The following KLB variants were observed in gnomAD, a reference collection of about 807,000 sequenced individuals.
KLB encodes the protein klotho beta, also known as beta-klotho.
KLB carries 44 observed loss-of-function variants against 88.4 expected under a neutral mutation model. The ratio of observed to expected loss-of-function variants is 0.50; its 90% CI spans 0.39 to 0.64. KLB has a LOEUF of 0.64. KLB is among the 30% of genes least tolerant of loss of function. The pLI is 0.00. For synonymous variants in KLB, 548 were observed against 513.4 expected, an observed-to-expected ratio of 1.07 and a Z score of -0.91; for missense variants, 1,137 against 1,304.8, an observed-to-expected ratio of 0.87 and a Z score of 1.98.
At chr4:39,419,107 CGT>C (rs1180817909) in intron 1 of KLB, among the ~76,000 whole-genome samples, 2 of 151,604 alleles carry the variant, frequency 1.3e-5, no homozygotes, top group Non-Finnish European at 2.9e-5. Flanking sequence ...TTATAAGAAT[CGT>C]GTAAAAAAAA....
Position 39,407,320 on chromosome 4 carries a change from C to T in KLB, c.371C>T (p.Thr124Met), listed in dbSNP as rs760534173. ...ACACACCTTAAAAATGTCAGCAGCACGAATGGTTCCAGTGACAGTTATATT... is the reference window on the plus strand; with the variant it reads ...ACACACCTTAAAAATGTCAGCAGCATGAATGGTTCCAGTGACAGTTATATT... ...IHTHLKNVSSTNGSSDSYIFL... is the reference protein window; with the variant it reads ...IHTHLKNVSSMNGSSDSYIFL... Residue 124 changes from threonine to methionine, a missense_variant, in exon 1 of 5, where the codon ACG (threonine) becomes ATG (methionine). Physicochemically the swap from Thr to Met is moderately conservative, Grantham distance 81 (BLOSUM62 -1). Transcript: ENST00000257408. 41 of 1,613,980 alleles carry T rather than the reference C, an allele frequency of 2.5e-5. No homozygotes were observed. Among genetic ancestry groups the T allele is most frequent in the South Asian group, 3.3e-5 (3 of 91,090 alleles).
At chr4:39,434,798 C>T in intron 2 of KLB, 78 bp downstream of exon 2, 1 of 1,105,564 alleles carries the variant, frequency 9.0e-7, no homozygotes, top group African/African-American at 1.6e-5. Flanking sequence ...GAATATGTAA[C>T]TATTATTGTT....
chr4:39,434,542 T>C lies in KLB; in HGVS notation c.1158T>C (p.Ala386=). 6.2e-7 allele frequency: 1 copy of C among 1,614,172 alleles called. No individual in the cohort carries two copies. Among genetic ancestry groups the C allele is most frequent in the Non-Finnish European group, 8.5e-7 (1 of 1,180,038 alleles). Reference sequence around the variant, plus strand: ...ACTTCAAGCCCCTAAACACCATGGCTAAAATGGGACAAAATGTTTCACTTA... The same window carrying C: ...ACTTCAAGCCCCTAAACACCATGGCCAAAATGGGACAAAATGTTTCACTTA... ...PNNFKPLNTM[A]KMGQNVSLNL... is the part of the protein sequence containing the mutation. Residue 386 remains alanine (A), a synonymous_variant, in exon 2 of 5, where the codon GCT becomes GCC. Coordinates refer to ENST00000257408, the MANE Select transcript of KLB (RefSeq NM_175737.4).
intron 1 of KLB, among the ~76,000 whole-genome samples, chr4:39,424,705 C>T (rs6531716): frequency 0.42 from 62,798 of 148,762 alleles, 14,312 homozygotes; most frequent in South Asian, 0.65. Flanking sequence ...TATCTCGGCT[C>T]ACTGCAACCT....
At chr4:39,412,367 T>C (rs190323947) in intron 1 of KLB, among the ~76,000 whole-genome samples, 1 of 152,230 alleles carries the variant, frequency 6.6e-6, no homozygotes, top group East Asian at 1.9e-4. Context: ...TGCGTGATAT[T>C]GCTCCCCTGT....
chr4:39,407,127 A>T lies in KLB; in HGVS notation c.178A>T (p.Ile60Leu). 3 of 1,614,168 alleles carry T rather than the reference A, an allele frequency of 1.9e-6. No homozygotes were observed. Among genetic ancestry groups the T allele is most frequent in the African/African-American group, 1.3e-5 (1 of 75,054 alleles). Residue 60 changes from isoleucine (I) to leucine (L), a missense_variant, in exon 1 of 5, where the codon ATA becomes TTA. Physicochemically the swap from Ile to Leu is conservative, Grantham distance 5. Transcript: ENST00000257408. Reference sequence around the variant, plus strand: ...TGGATTCTCTGGAGATGGAAGAGCTATATGGTCTAAAAATCCTAATTTTAC... The same window carrying T: ...TGGATTCTCTGGAGATGGAAGAGCTTTATGGTCTAAAAATCCTAATTTTAC... ...VTGFSGDGRA[I>L]WSKNPNFTPV...
intron 1 of KLB, among the ~76,000 whole-genome samples, chr4:39,408,102 T>C (rs1742768290): frequency 6.6e-6 from 1 of 152,218 alleles, no homozygotes; most frequent in Non-Finnish European, 1.5e-5. Flanking sequence ...GGAACCCTTT[T>C]CTGACAACAT....
intron 1 of KLB, among the ~76,000 whole-genome samples, chr4:39,411,485 C>T (rs1176742397): frequency 6.7e-6 from 1 of 150,346 alleles, no homozygotes; most frequent in Non-Finnish European, 1.5e-5. Context: ...TTTTTAACAG[C>T]ATTTGAAATA....
At position 39,447,428 on chromosome 4, in the gene KLB, G is replaced by A. The variant is rs749575864; in HGVS notation, c.2702G>A (p.Arg901Gln). 6.8e-6 allele frequency: 11 copies of A among 1,609,768 alleles called. No homozygotes were observed. Among genetic ancestry groups the A allele is most frequent in the Middle Eastern group, 1.7e-4 (1 of 6,048 alleles). The change falls in exon 4 of 5, where the codon CGG (arginine) becomes CAG (glutamine). Residue 901 changes from arginine to glutamine, a missense_variant. Physicochemically the swap from Arg to Gln is conservative, Grantham distance 43 (BLOSUM62 1). This residue lies in a region of KLB where 426 missense variants were observed against 404.6 expected (regional missense o/e 1.05). Coordinates refer to ENST00000257408, the MANE Select transcript of KLB (RefSeq NM_175737.4). ...GACGACCAGGCTCTGGAGGATGACC[G>A]GCTCCGGAAGTACTACCTAGGGAAG... Reference protein sequence around the residue: ...GIDDQALEDDRLRKYYLGKYL... With the variant: ...GIDDQALEDDQLRKYYLGKYL...
chr4:39,445,442 C>T (rs182263775), intron 3 of KLB, among the ~76,000 whole-genome samples: 2 of 151,986 alleles, frequency 1.3e-5, no homozygotes, highest in Admixed American at 6.5e-5. Context: ...TATGTTCTCA[C>T]AGGCACATGG....
intron 3 of KLB, among the ~76,000 whole-genome samples, chr4:39,440,969 C>T (rs1186945359): frequency 6.6e-6 from 1 of 151,940 alleles, no homozygotes; most frequent in Non-Finnish European, 1.5e-5. Flanking sequence ...AATTCTCCTG[C>T]CTCTGCCTCC....
chr4:39,448,482 T>A lies in KLB; in HGVS notation c.2931T>A (p.Ser977Arg). The A allele has an allele frequency of 6.2e-7, 1 of 1,614,112 alleles. No homozygotes were observed. Among genetic ancestry groups the A allele is most frequent in the Non-Finnish European group, 8.5e-7 (1 of 1,179,946 alleles). ...TTGAGAACAGTAGTTCTAGATGCAG[T>A]CAGACCCAAGAAAATACAGAGTGCA... Reference protein sequence around the residue: ...FPFENSSSRCSQTQENTECTV... With the variant: ...FPFENSSSRCRQTQENTECTV... The change falls in exon 5 of 5, where the codon AGT (serine) becomes AGA (arginine). Residue 977 changes from serine (S) to arginine (R), a missense_variant. By Grantham distance (110) the Ser-to-Arg change is moderately radical (BLOSUM62 -1). Transcript: ENST00000257408.
At chr4:39,447,833 A>G (rs1414947632) in intron 4 of KLB, among the ~76,000 whole-genome samples, 1 of 152,218 alleles carries the variant, frequency 6.6e-6, no homozygotes, top group African/African-American at 2.4e-5. Context: ...TATGGGATGC[A>G]TGAAATGTTT....
At chr4:39,445,996 T>G (rs1412319909) in intron 3 of KLB, among the ~76,000 whole-genome samples, 5 of 152,158 alleles carry the variant, frequency 3.3e-5, no homozygotes, top group African/African-American at 1.2e-4. Context: ...GGGTTTAGAA[T>G]CTCTTTTGTA....
Position 39,451,414 on chromosome 4 carries a change from CACA to C in KLB, c.*2731_*2733del, listed in dbSNP as rs777102792. ...TATTCAATGTAACAACCTGGAGAAT[CACA>C]ACTATATTTAAAGAGCCTCTGGAAA... On this transcript the variant is annotated 3_prime_UTR_variant, in exon 5 of 5. Transcript: ENST00000257408. 44 of 152,308 alleles carry C rather than the reference CACA, an allele frequency of 2.9e-4. 1 individual carries two copies. The East Asian group carries it at 6.9e-3, about 24-fold the overall frequency. The allele number at this position is 152,308 out of a possible 1,614,324, so 9.4% of individuals were successfully genotyped here. A position where few individuals can be genotyped will look rare whatever the true frequency, so the allele number is the denominator to read the frequency against.
rs1743771189 is a variant in KLB, at chr4:39,447,178, G to A, written c.2452G>A (p.Val818Ile). The A allele has an allele frequency of 2.5e-6, 4 of 1,613,912 alleles. No homozygotes were observed. Among genetic ancestry groups the A allele is most frequent in the Non-Finnish European group, 3.4e-6 (4 of 1,180,044 alleles). The change falls in exon 4 of 5, where the codon GTC becomes ATC. Residue 818 changes from valine (V) to isoleucine (I), a missense_variant. By Grantham distance (29) the Val-to-Ile change is conservative. Around this residue, in one of 4 missense-constraint regions of KLB, gnomAD observed 426 missense variants for 404.6 expected, o/e 1.05. Transcript: ENST00000257408. The stretch of plus-strand genomic sequence containing the variant: ...CGAAAGGAGGCTGCTCAAGGGCACG[G>A]TCGACTTCTGCGCGCTCAACCACTT... ...EAERRLLKGT[V>I]DFCALNHFTT... is the part of the protein sequence containing the mutation.
Position 39,444,065 on chromosome 4 carries a change from G to C in KLB, c.1606-2267G>C, listed in dbSNP as rs1029240703. Among the ~76,000 whole-genome samples, 9 of 150,538 alleles carry C rather than the reference G, an allele frequency of 6.0e-5. No individual in the cohort carries two copies. The South Asian group carries it at 6.3e-4, about 11-fold the overall frequency. ...CCAGCTACTCAGGAGGCTGAGGCAG[G>C]AGAATCGCTTGAACCCGGGGGGCGG... On this transcript the variant is annotated intron_variant, in intron 3 of 4. Transcript: ENST00000257408.
intron 1 of KLB, among the ~76,000 whole-genome samples, chr4:39,431,152 A>T (rs1196101867): frequency 6.8e-6 from 1 of 147,034 alleles, no homozygotes; most frequent in Non-Finnish European, 1.5e-5. Context: ...CTGATCTCGA[A>T]TTCCTGAGCT....
At chr4:39,422,414 G>A (rs1470860641) in intron 1 of KLB, among the ~76,000 whole-genome samples, 1 of 152,054 alleles carries the variant, frequency 6.6e-6, no homozygotes, top group Non-Finnish European at 1.5e-5. Flanking sequence ...GGGCGATATA[G>A]CCTGGGCCTG....
Sources: allele counts gnomAD v4.1 joint callset (sites outside exome capture counted in the v4.1 genomes callset), GRCh38; gene constraint gnomAD v4.1.1; regional missense constraint gnomAD v4.1.1; transcripts MANE v1.5; gene names NCBI Gene and HGNC (gene_info 2026-07-23, HGNC 2026-07-21).